The following IQGAP3 variants were observed in gnomAD, a reference collection of about 807,000 sequenced individuals.
The protein encoded by IQGAP3 is IQ motif containing GTPase activating protein 3.
A neutral mutation model predicts 208.2 loss-of-function variants in IQGAP3; 165 were observed. That is an observed-to-expected ratio of 0.79 (90% CI 0.70 to 0.90). IQGAP3 has a LOEUF of 0.90. Among genes scored for constraint, IQGAP3 ranks in the 40% least tolerant of loss-of-function variants. IQGAP3 has a pLI of 0.00. For missense variants in IQGAP3, 1,811 were observed against 2,043.1 expected, an observed-to-expected ratio of 0.89 and a Z score of 2.19; for synonymous variants, 703 against 803.6, an observed-to-expected ratio of 0.87 and a Z score of 2.12.
Position 156,538,921 on chromosome 1 carries a change from C to T in IQGAP3, c.3169G>A (p.Gly1057Ser). Residue 1057 changes from glycine to serine, a missense_variant, in exon 26 of 38, where the codon GGC (glycine) becomes AGC (serine). Physicochemically the swap from Gly to Ser is moderately conservative, Grantham distance 56. Coordinates refer to ENST00000361170, the MANE Select transcript of IQGAP3 (RefSeq NM_178229.5). ...TCTAGCACATCCTGGATAACCTTGC[C>T]CAGAATCTCCTGCAGGGCACTCTGT... ...RGQSALQEIL[G>S]KVIQDVLEDK... 1 of 1,614,176 alleles carries T rather than the reference C, an allele frequency of 6.2e-7. No homozygotes were observed. Among genetic ancestry groups the T allele is most frequent in the Non-Finnish European group, 8.5e-7 (1 of 1,180,024 alleles).
At position 156,525,778 on chromosome 1, in the gene IQGAP3, A is replaced by G. The variant is rs1287095983; in HGVS notation, c.*708T>C. ...AATGAAAGCGTTAAAACCCTGATTAAGTCTGCACAATGATCCAGAGTGTAA... is the reference window on the plus strand; with the variant it reads ...AATGAAAGCGTTAAAACCCTGATTAGGTCTGCACAATGATCCAGAGTGTAA... On this transcript the variant is annotated 3_prime_UTR_variant, in exon 38 of 38. Coordinates refer to ENST00000361170, the MANE Select transcript of IQGAP3 (RefSeq NM_178229.5). The G allele has an allele frequency of 1.3e-5, 2 of 151,120 alleles. No homozygotes were observed. The highest frequency in any genetic ancestry group is 2.9e-5 in the Non-Finnish European group (2 of 67,946). 9.4% of individuals were successfully genotyped at this position (151,120 alleles called of 1,614,324 possible).
intron 19 of IQGAP3, among the ~76,000 whole-genome samples, chr1:156,547,063 G>T: frequency 6.6e-6 from 1 of 152,308 alleles, no homozygotes; most frequent in South Asian, 2.1e-4. Context: ...CCTCCACGAG[G>T]CCCTCCAGAT....
In IQGAP3 at chr1:156,540,858, T is replaced by C. The variant is rs1366083563; in HGVS notation, c.2589A>G (p.Gln863=). Residue 863 remains glutamine (Q), a synonymous_variant, in exon 23 of 38, where the codon CAA becomes CAG. Transcript: ENST00000361170. The part of the protein sequence containing the change: ...VVRRFAHLLN[Q]SQQDFLAEAE... ...CCTCAGCCAAGAAGTCTTGCTGGCT[T>C]TGATTCAAGAGATGGGCAAATCTGC... The C allele has an allele frequency of 1.2e-6, 2 of 1,613,918 alleles. No individual in the cohort carries two copies. The highest frequency in any genetic ancestry group is 2.7e-5 in the African/African-American group (2 of 74,874).
At chr1:156,562,394 G>A (rs1676197088) in intron 9 of IQGAP3, among the ~76,000 whole-genome samples, 193 bp downstream of exon 9, 1 of 152,060 alleles carries the variant, frequency 6.6e-6, no homozygotes. Flanking sequence ...CCCGGACATG[G>A]ACTACTTCTC....
rs895256598 is a variant in IQGAP3, at chr1:156,526,254, C to A, written c.*232G>T. On this transcript the variant is annotated 3_prime_UTR_variant, in exon 38 of 38. Coordinates refer to ENST00000361170, the MANE Select transcript of IQGAP3 (RefSeq NM_178229.5). ...GCAGGAAAGCCAGGGGTTTGTCATG[C>A]ATGATAAAAGCCACACAGCTGGACT... 5.6e-6 allele frequency: 3 copies of A among 532,536 alleles called. No individual in the cohort carries two copies. The Admixed American group carries it at 9.3e-5, about 17-fold the overall frequency. 33.0% of individuals were successfully genotyped at this position (532,536 alleles called of 1,614,324 possible). A position where few individuals can be genotyped will look rare whatever the true frequency, so the allele number is the denominator to read the frequency against.
At chr1:156,544,720 C>T (rs1302543548) in intron 19 of IQGAP3, among the ~76,000 whole-genome samples, 1 of 152,140 alleles carries the variant, frequency 6.6e-6, no homozygotes, top group Non-Finnish European at 1.5e-5. Flanking sequence ...ATACCCACAC[C>T]CACACACCTC....
At chr1:156,536,378 G>A (rs1279186366) in intron 27 of IQGAP3, among the ~76,000 whole-genome samples, 1 of 152,074 alleles carries the variant, frequency 6.6e-6, no homozygotes, top group Non-Finnish European at 1.5e-5. Context: ...AACACAGAAG[G>A]ACAAATACTG....
At chr1:156,526,660 G>T in intron 37 of IQGAP3, 61 bp from the exon 38 acceptor site, 1 of 1,183,832 alleles carries the variant, frequency 8.4e-7, no homozygotes, top group Non-Finnish European at 1.3e-6. Context: ...CAGTCAGATG[G>T]TGTACAAAAC....
At chr1:156,549,080 T>A (rs1217447938) in intron 16 of IQGAP3, among the ~76,000 whole-genome samples, 1 of 151,976 alleles carries the variant, frequency 6.6e-6, no homozygotes, top group Non-Finnish European at 1.5e-5. Flanking sequence ...ATCCCAACAC[T>A]TTGGGAGGCT....
intron 16 of IQGAP3, among the ~76,000 whole-genome samples, chr1:156,549,935 C>T (rs1675463797): frequency 6.6e-6 from 1 of 152,236 alleles, no homozygotes. Context: ...GGAACCCAAA[C>T]TCAAGCTACC....
chr1:156,544,323 A>G (rs1675129515), intron 20 of IQGAP3, 66 bp downstream of exon 20: 1 of 1,562,796 alleles, frequency 6.4e-7, no homozygotes, highest in African/African-American at 1.4e-5. Flanking sequence ...GAAGGTGACA[A>G]GACTACAAGA....
chr1:156,548,778 A>G (rs975950989), intron 16 of IQGAP3, 30 bp from the exon 17 acceptor site: 3 of 1,523,010 alleles, frequency 2.0e-6, no homozygotes, highest in African/African-American at 2.8e-5. Context: ...AGAGCAGTCA[A>G]TCCTTCCCCC....
Position 156,540,732 on chromosome 1 carries a change from C to T in IQGAP3, c.2715G>A (p.Leu905=), listed in dbSNP as rs1294641287. 6.2e-7 allele frequency: 1 copy of T among 1,613,980 alleles called. No homozygotes were observed. The highest frequency in any genetic ancestry group is 1.3e-5 in the African/African-American group (1 of 74,902). The change falls in exon 23 of 38, where the codon CTG becomes CTA. Residue 905 remains leucine (L), a synonymous_variant. Transcript: ENST00000361170. ...LNIMDIKIGL[L]VKNRITLQEV... is the part of the protein sequence containing the mutation. Reference sequence around the variant, plus strand: ...CCTGCAGAGTGATCCGGTTCTTCACCAGCAGGCCAATCTTGATGTCCATGA... The same window carrying T: ...CCTGCAGAGTGATCCGGTTCTTCACTAGCAGGCCAATCTTGATGTCCATGA...
rs759255850 is a variant in IQGAP3, at chr1:156,572,563, G to T, written c.-34C>A. 1.1e-4 allele frequency: 177 copies of T among 1,611,812 alleles called. No homozygotes were observed. Among genetic ancestry groups the T allele is most frequent in the Non-Finnish European group, 1.4e-4 (163 of 1,179,080 alleles). On this transcript the variant is annotated 5_prime_UTR_variant, in exon 1 of 38. Coordinates refer to ENST00000361170, the MANE Select transcript of IQGAP3 (RefSeq NM_178229.5). Reference sequence around the variant, plus strand: ...TTCTTCCAGGTTTGAATCTCCCGCCGTTGGGCCACCGCCCCTCACCGTCGG... The same window carrying T: ...TTCTTCCAGGTTTGAATCTCCCGCCTTTGGGCCACCGCCCCTCACCGTCGG...
At position 156,550,983 on chromosome 1, in the gene IQGAP3, GTAAACTAACATTT is replaced by G. The variant is rs561105788; in HGVS notation, c.1735-645_1735-633del. 3.0e-3 allele frequency among the ~76,000 whole-genome samples: 454 copies of G among 152,242 alleles called. 4 individuals are homozygous for G. Among genetic ancestry groups the G allele is most frequent in the Non-Finnish European group, 3.0e-3 (202 of 68,028 alleles). ...ACTCTCCTCAATAATAATAGACTTT[GTAAACTAACATTT>G]TATTGAGTACTGACTATGTGCCAGG... On this transcript the variant is annotated intron_variant, in intron 15 of 37. Coordinates refer to ENST00000361170, the MANE Select transcript of IQGAP3 (RefSeq NM_178229.5).
chr1:156,531,194 T>C lies in IQGAP3; in HGVS notation c.4157A>G (p.Lys1386Arg). 6.2e-7 allele frequency: 1 copy of C among 1,613,886 alleles called. No individual in the cohort carries two copies. Among genetic ancestry groups the C allele is most frequent in the Non-Finnish European group, 8.5e-7 (1 of 1,179,858 alleles). ...IIQFHPGDTL[K>R]EILSLSASRE... ...GGAAGCCGAGAGGGACAGGATCTCC[T>C]TGAGGGTGTCCCCAGGATGGAACTG... Residue 1386 changes from lysine to arginine, a missense_variant, in exon 33 of 38, where the codon AAG becomes AGG. By Grantham distance (26) the Lys-to-Arg change is conservative. Transcript: ENST00000361170.
Position 156,530,157 on chromosome 1 carries a change from C to G in IQGAP3, c.4352G>C (p.Gly1451Ala), listed in dbSNP as rs1172892876. 1.2e-6 allele frequency: 2 copies of G among 1,610,610 alleles called. No homozygotes were observed. The highest frequency in any genetic ancestry group is 1.7e-6 in the Non-Finnish European group (2 of 1,178,762). Residue 1451 changes from glycine to alanine, a missense_variant, in exon 34 of 38, where the codon GGG becomes GCG. By Grantham distance (60) the Gly-to-Ala change is moderately conservative (BLOSUM62 0). Transcript: ENST00000361170. ...GTAGCCATTTCTGGCGCTGACCAACCCCAGGGCTTCAAGTCGGCGTAGGTT... is the reference window on the plus strand; with the variant it reads ...GTAGCCATTTCTGGCGCTGACCAACGCCAGGGCTTCAAGTCGGCGTAGGTT... ...LRNLRRLEAL[G>A]LVSARNGYQG...
intron 4 of IQGAP3, 68 bp from the exon 5 acceptor site, chr1:156,564,759 T>G (rs1326611598): frequency 9.2e-7 from 1 of 1,090,682 alleles, no homozygotes; most frequent in Non-Finnish European, 1.4e-6. Context: ...GGAGAGGGGG[T>G]GCCGAGGAAT....
intron 1 of IQGAP3, 38 bp from the exon 2 acceptor site, chr1:156,569,501 AT>A: frequency 1.0e-6 from 1 of 999,418 alleles, no homozygotes; most frequent in Non-Finnish European, 1.5e-6. Flanking sequence ...TGAAGAGAGC[AT>A]TAGAGGTGCC....
Sources: gnomAD v4.1 joint callset for allele counts (sites outside exome capture counted in the v4.1 genomes callset) on GRCh38, gnomAD v4.1.1 for gene constraint, MANE v1.5 for transcripts, NCBI Gene and HGNC (gene_info 2026-07-23, HGNC 2026-07-21) for gene names.